Variants in DLEU7 observed in about 807,000 individuals in gnomAD.
The protein encoded by DLEU7 is deleted in lymphocytic leukemia 7.
A neutral mutation model predicts 16.0 loss-of-function variants in DLEU7; 17 were observed. That is an observed-to-expected ratio of 1.06 (90% CI 0.73 to 1.59). DLEU7 has a LOEUF of 1.59. Ranked by LOEUF, DLEU7 falls within the 40% of genes most tolerant of loss-of-function variation. The pLI, the probability that DLEU7 is intolerant of heterozygous loss-of-function variation, is 0.00. For synonymous variants in DLEU7, 113 were observed against 139.8 expected (o/e 0.81, Z 1.35); for missense variants, 308 against 314.9 (o/e 0.98, Z 0.17).
At chr13:50,818,140 C>T (rs996369676), downstream of DLEU7, among the ~76,000 whole-genome samples, 1 of 152,072 alleles carries the variant, frequency 6.6e-6, no homozygotes, top group African/African-American at 2.4e-5. Flanking sequence ...TATAAAAGGA[C>T]ATCCACAACC....
intron 1 of DLEU7, among the ~76,000 whole-genome samples, chr13:50,793,679 C>A (rs1439993775): frequency 6.6e-6 from 1 of 152,154 alleles, no homozygotes; most frequent in African/African-American, 2.4e-5. Context: ...ATGTGCTTTG[C>A]CCACTTTTTA....
chr13:50,811,162 C>T (rs529209639), intron 1 of DLEU7, among the ~76,000 whole-genome samples: 2 of 152,148 alleles, frequency 1.3e-5, no homozygotes, highest in Non-Finnish European at 2.9e-5. Context: ...CAACTTATTG[C>T]TCTGACTTAA....
rs142751867 is a variant in DLEU7 at position 50,768,530 on chromosome 13, C to T, written c.460-55290G>A. 1.0e-3 allele frequency among the ~76,000 whole-genome samples: 149 copies of T among 149,734 alleles called. 1 individual carries two copies. Among genetic ancestry groups the T allele is most frequent in the African/African-American group, 3.3e-3 (134 of 40,778 alleles). ...ATTCCCACCTATGAGTGAGAATATGCGGTGTTTGGTTTTCTGTCCTTGCAA... is the reference window on the plus strand; with the variant it reads ...ATTCCCACCTATGAGTGAGAATATGTGGTGTTTGGTTTTCTGTCCTTGCAA... On this transcript the variant is annotated intron_variant, in intron 1 of 1. Transcript: ENST00000400393.
intron 1 of DLEU7, among the ~76,000 whole-genome samples, chr13:50,753,171 T>C (rs56871797): frequency 0.012 from 1,790 of 152,274 alleles, 31 homozygotes; most frequent in African/African-American, 0.041. Context: ...TGCCGATTGG[T>C]GTATTTACAA....
chr13:50,783,120 G>A lies in DLEU7; in HGVS notation c.459+60068C>T, dbSNP rs115534101. 2.9e-3 allele frequency among the ~76,000 whole-genome samples: 434 copies of A among 152,274 alleles called. 2 individuals are homozygous for A. Among genetic ancestry groups the A allele is most frequent in the African/African-American group, 9.6e-3 (401 of 41,574 alleles). ...TGAATTCCTCAGTCTCCTTATCTCC[G>A]GTAGATGGATTCTAAAGTGTGTTTC... On this transcript the variant is annotated intron_variant, in intron 1 of 1. Transcript: ENST00000400393.
chr13:50,771,316 T>G (rs141847986), intron 1 of DLEU7, among the ~76,000 whole-genome samples: 2 of 152,288 alleles, frequency 1.3e-5, no homozygotes, highest in East Asian at 1.9e-4. Flanking sequence ...GATTTTGAAT[T>G]TGTTTGCTCT....
intron 1 of DLEU7, among the ~76,000 whole-genome samples, chr13:50,731,598 A>G (rs1185318220): frequency 6.6e-6 from 1 of 152,144 alleles, no homozygotes; most frequent in Non-Finnish European, 1.5e-5. Context: ...TTCTTCTAAA[A>G]ACCTCACTGG....
chr13:50,836,271 G>C (rs1428695995), intron 1 of DLEU7, among the ~76,000 whole-genome samples: 1 of 152,102 alleles, frequency 6.6e-6, no homozygotes, highest in African/African-American at 2.4e-5. Context: ...GTCCTCTACA[G>C]AGAGCACGAA....
intron 1 of DLEU7, among the ~76,000 whole-genome samples, chr13:50,735,568 A>T (rs929702702): frequency 4.6e-5 from 7 of 152,126 alleles, no homozygotes; most frequent in Admixed American, 4.6e-4. Flanking sequence ...TTACAAGAAA[A>T]AATAGAAAAT....
upstream of DLEU7, chr13:50,843,695 C>T (rs1306817659): frequency 2.7e-6 from 4 of 1,483,370 alleles, no homozygotes; most frequent in East Asian, 2.8e-5. The surrounding 1 kb of genome is among the most constrained non-coding windows in gnomAD (Gnocchi z 5.7). Flanking sequence ...GGAGCAGCAG[C>T]GAGGGAGGCG....
At chr13:50,739,809 A>G (rs148528723) in intron 1 of DLEU7, among the ~76,000 whole-genome samples, 1 of 152,302 alleles carries the variant, frequency 6.6e-6, no homozygotes, top group Non-Finnish European at 1.5e-5. Context: ...TCTTATCAGC[A>G]CAGTCCAACC....
intron 1 of DLEU7, among the ~76,000 whole-genome samples, chr13:50,752,954 A>G (rs1874621514): frequency 6.6e-6 from 1 of 152,088 alleles, no homozygotes; most frequent in African/African-American, 2.4e-5. Flanking sequence ...TTGACAGGGC[A>G]CTGATTGGTG....
intron 1 of DLEU7, among the ~76,000 whole-genome samples, chr13:50,763,491 A>G (rs967816550): frequency 3.3e-5 from 5 of 152,200 alleles, no homozygotes; most frequent in African/African-American, 9.7e-5. Context: ...GAAGATGAAC[A>G]TAGAAAGAAA....
rs74398996 is a variant in DLEU7, at chr13:50,789,959, T to G, written c.459+53229A>C. Among the ~76,000 whole-genome samples, 655 of 148,746 alleles carry G rather than the reference T, an allele frequency of 4.4e-3. 10 individuals are homozygous for G. Among genetic ancestry groups the G allele is most frequent in the African/African-American group, 0.014 (579 of 40,076 alleles). On this transcript the variant is annotated intron_variant, in intron 1 of 1. Coordinates refer to the DLEU7 transcript ENST00000400393. ...TTTCTTTCTTTCTTTTTTTTTTTTT[T>G]GGGACAGAGTCTCGCTCTGTTGCCC...
chr13:50,805,144 G>A (rs563237220), intron 1 of DLEU7, among the ~76,000 whole-genome samples: 52 of 152,142 alleles, frequency 3.4e-4, no homozygotes, highest in Non-Finnish European at 4.4e-5. Flanking sequence ...AAATATTTCT[G>A]AGTTTCCTTA....
At chr13:50,780,929 C>G (rs1875632327) in intron 1 of DLEU7, among the ~76,000 whole-genome samples, 1 of 152,180 alleles carries the variant, frequency 6.6e-6, no homozygotes, top group African/African-American at 2.4e-5. Flanking sequence ...ATTCCTCCCT[C>G]CCAGAGCCAG....
chr13:50,810,165 T>G (rs1876522490), intron 1 of DLEU7, among the ~76,000 whole-genome samples: 1 of 144,534 alleles, frequency 6.9e-6, no homozygotes, highest in African/African-American at 2.6e-5. Flanking sequence ...TTCTCTATAC[T>G]TTCCGGAAAA....
chr13:50,800,799 C>T (rs1876226644), intron 1 of DLEU7, among the ~76,000 whole-genome samples: 1 of 152,086 alleles, frequency 6.6e-6, no homozygotes, highest in South Asian at 2.1e-4. Flanking sequence ...AAGAGAGAGG[C>T]GAGGTGAAGA....
chr13:50,779,054 C>A (rs1212867545), intron 1 of DLEU7, among the ~76,000 whole-genome samples: 2 of 152,148 alleles, frequency 1.3e-5, no homozygotes, highest in Non-Finnish European at 2.9e-5. Flanking sequence ...GTGCTTAGTC[C>A]AGCTAACGTG....
Sources: gnomAD v4.1 joint callset for allele counts (sites outside exome capture counted in the v4.1 genomes callset) on GRCh38, gnomAD v4.1.1 for gene constraint, Gnocchi (gnomAD v3.1) non-coding constraint, MANE v1.5 for transcripts, NCBI Gene and HGNC (gene_info 2026-07-23, HGNC 2026-07-21) for gene names.